ASCC3: variants seen among roughly 807,000 people sequenced by gnomAD.
The protein encoded by ASCC3 is activating signal cointegrator 1 complex subunit 3.
Under a neutral mutation model 256.3 loss-of-function variants are expected in ASCC3, and 158 were observed. The observed-to-expected ratio is 0.62, with a 90% CI of 0.54 to 0.70. The LOEUF is 0.70. ASCC3 is among the 30% of genes least tolerant of loss of function. The probability of loss-of-function intolerance (pLI) is 0.00; values close to 1 mark genes in which losing one functional copy is unlikely to be tolerated. For synonymous variants in ASCC3, 948 were observed against 883.4 expected, an observed-to-expected ratio of 1.07 and a Z score of -1.30; for missense variants, 2,259 against 2,626.0, an observed-to-expected ratio of 0.86 and a Z score of 3.05.
intron 25 of ASCC3, among the ~76,000 whole-genome samples, chr6:100,633,943 T>C (rs1322395013): frequency 6.6e-6 from 1 of 152,040 alleles, no homozygotes; most frequent in Non-Finnish European, 1.5e-5. Flanking sequence ...GCAAAAATTA[T>C]GGCCACAGTA....
chr6:100,540,615 A>T (rs1162972842), intron 36 of ASCC3, among the ~76,000 whole-genome samples: 3 of 152,194 alleles, frequency 2.0e-5, no homozygotes, highest in Non-Finnish European at 4.4e-5. Flanking sequence ...TATAGTCAAC[A>T]AAAATAACAG....
At chr6:100,683,903 T>A (rs1018381022) in intron 13 of ASCC3, among the ~76,000 whole-genome samples, 12 of 152,180 alleles carry the variant, frequency 7.9e-5, no homozygotes, top group Non-Finnish European at 8.8e-5. Context: ...AATGTGGTCA[T>A]AAACTGCAAA....
intron 14 of ASCC3, among the ~76,000 whole-genome samples, chr6:100,675,497 A>G (rs1776964597): frequency 6.6e-6 from 1 of 152,202 alleles, no homozygotes; most frequent in Admixed American, 6.5e-5. Context: ...ACTAAATCAA[A>G]TTGGCATTAA....
chr6:100,525,826 T>C (rs1284198516), intron 37 of ASCC3, among the ~76,000 whole-genome samples: 1 of 152,162 alleles, frequency 6.6e-6, no homozygotes, highest in Non-Finnish European at 1.5e-5. Flanking sequence ...AAAAGTTTAT[T>C]TAAAAAAATT....
Position 100,509,970 on chromosome 6 carries a change from A to G in ASCC3, c.6423T>C (p.Val2141=), listed in dbSNP as rs773210607. Residue 2141 remains valine (V), a synonymous_variant, in exon 41 of 42, where the codon GTT becomes GTC. Transcript: ENST00000369162. The part of the protein sequence containing the change: ...KRVGYIRNHH[V]ASLSFYTPEI... Reference sequence around the variant, plus strand: ...CAGGGGTATAAAAAGAAAGGGAAGCAACATGATGATTTCGAATATATCCTA... The same window carrying G: ...CAGGGGTATAAAAAGAAAGGGAAGCGACATGATGATTTCGAATATATCCTA... The G allele has an allele frequency of 6.2e-7, 1 of 1,614,086 alleles. No individual in the cohort carries two copies. Among genetic ancestry groups the G allele is most frequent in the Admixed American group, 1.7e-5 (1 of 60,028 alleles).
intron 8 of ASCC3, among the ~76,000 whole-genome samples, chr6:100,774,778 A>C (rs1171932770): frequency 6.6e-6 from 1 of 152,152 alleles, no homozygotes; most frequent in Non-Finnish European, 1.5e-5. Flanking sequence ...CACTGAGATA[A>C]CAGTTGTGAG....
intron 36 of ASCC3, among the ~76,000 whole-genome samples, chr6:100,556,291 C>G (rs951303256): frequency 6.6e-6 from 1 of 152,114 alleles, no homozygotes; most frequent in Non-Finnish European, 1.5e-5. Flanking sequence ...AATATCAAAA[C>G]AGGCCAATAT....
chr6:100,540,160 T>G lies in ASCC3; in HGVS notation c.5775+3A>C, dbSNP rs1341985259. ...ACATAGGTATTAGAAATGACTTTCA[T>G]ACCTGACATACTCTGAGAGCTTGGT... On this transcript the variant is annotated splice_donor_region_variant and intron_variant, in intron 37 of 41. Transcript: ENST00000369162. 6.2e-7 allele frequency: 1 copy of G among 1,609,898 alleles called. No homozygotes were observed. The highest frequency in any genetic ancestry group is 2.2e-5 in the East Asian group (1 of 44,870).
At chr6:100,856,931 C>T (rs1245783693) in intron 3 of ASCC3, 1 of 152,060 alleles carries the variant, frequency 6.6e-6, no homozygotes, top group Admixed American at 6.6e-5. Context: ...TATGTACAAG[C>T]ATTTTTATTG....
At chr6:100,729,362 TAGA>T (rs1183414215) in intron 10 of ASCC3, among the ~76,000 whole-genome samples, 5 of 152,204 alleles carry the variant, frequency 3.3e-5, no homozygotes, top group Non-Finnish European at 5.9e-5. Flanking sequence ...AACAAACTTC[TAGA>T]AGAAGATCTC....
intron 4 of ASCC3, among the ~76,000 whole-genome samples, chr6:100,839,409 A>C (rs1772033467): frequency 6.6e-6 from 1 of 152,156 alleles, no homozygotes; most frequent in African/African-American, 2.4e-5. Context: ...CATTCCAATC[A>C]AGAGCAAATT....
intron 30 of ASCC3, among the ~76,000 whole-genome samples, chr6:100,610,032 A>C (rs957257267): frequency 2.0e-5 from 3 of 152,174 alleles, no homozygotes; most frequent in African/African-American, 7.2e-5. Flanking sequence ...CCATGAGGAG[A>C]ATAATGTTAA....
chr6:100,509,574 G>A, intron 41 of ASCC3, 41 bp from the exon 42 acceptor site: 2 of 1,550,982 alleles, frequency 1.3e-6, no homozygotes, highest in South Asian at 2.2e-5. Flanking sequence ...AACCACTTTT[G>A]TAATCACAAT....
At position 100,614,368 on chromosome 6, in the gene ASCC3, CAA is replaced by C. The variant is rs201105531; in HGVS notation, c.4786-7282_4786-7281del. Among the ~76,000 whole-genome samples, 1,088 of 152,218 alleles carry C rather than the reference CAA, an allele frequency of 7.1e-3. 9 individuals are homozygous for C. The highest frequency in any genetic ancestry group is 0.024 in the African/African-American group (1,013 of 41,528). ...GATCAGATTTTACCACAACTCTCAA[CAA>C]AGAGAACCTATAAGGTATAATTTCA... On this transcript the variant is annotated intron_variant, in intron 30 of 41. Transcript: ENST00000369162.
chr6:100,550,316 T>C (rs1769226695), intron 36 of ASCC3, among the ~76,000 whole-genome samples: 3 of 151,898 alleles, frequency 2.0e-5, no homozygotes, highest in Admixed American at 2.0e-4. Flanking sequence ...CACTAATTAA[T>C]AGTATTATCT....
chr6:100,763,665 A>T (rs9404033), intron 10 of ASCC3, among the ~76,000 whole-genome samples: 52,666 of 152,116 alleles, frequency 0.35, 10,781 homozygotes, highest in Middle Eastern at 0.53. Flanking sequence ...TGTCTCTGGA[A>T]ACCAATCTTT....
At chr6:100,596,122 T>C (rs969756022) in intron 34 of ASCC3, among the ~76,000 whole-genome samples, 1 of 152,194 alleles carries the variant, frequency 6.6e-6, no homozygotes, top group Non-Finnish European at 1.5e-5. Flanking sequence ...ATAAAAGTTT[T>C]ATAATCCCAA....
intron 36 of ASCC3, among the ~76,000 whole-genome samples, chr6:100,553,673 C>T (rs1769417576): frequency 1.3e-5 from 2 of 151,968 alleles, no homozygotes; most frequent in South Asian, 4.1e-4. Flanking sequence ...GCTTGTAACC[C>T]CCTGCTACTG....
chr6:100,681,313 C>T (rs960840116), intron 13 of ASCC3, among the ~76,000 whole-genome samples: 7 of 152,126 alleles, frequency 4.6e-5, no homozygotes, highest in African/African-American at 1.7e-4. Flanking sequence ...CACTGCAAGT[C>T]ATCAGGAGAA....
Sources: allele counts gnomAD v4.1 joint callset (sites outside exome capture counted in the v4.1 genomes callset), GRCh38; gene constraint gnomAD v4.1.1; transcripts MANE v1.5; gene names NCBI Gene and HGNC (gene_info 2026-07-23, HGNC 2026-07-21).